The following UGT1A6 variants were observed in gnomAD, a reference collection of about 807,000 sequenced individuals.
UGT1A6 encodes the protein UDP-glucuronosyltransferase 1A6.
A neutral mutation model predicts 44.4 loss-of-function variants in UGT1A6; 32 were observed. The ratio of observed to expected loss-of-function variants is 0.72; its 90% CI spans 0.54 to 0.97. UGT1A6 has a LOEUF of 0.97. UGT1A6 is among the 50% of genes least tolerant of loss of function. UGT1A6 has a pLI of 0.00. For missense variants in UGT1A6, 685 were observed against 661.9 expected (o/e 1.03, Z -0.38); for synonymous variants, 238 against 248.5 (o/e 0.96, Z 0.40).
At chr2:233,724,286 G>C (rs1416950047) in intron 1 of UGT1A6, among the ~76,000 whole-genome samples, 3 of 143,448 alleles carry the variant, frequency 2.1e-5, no homozygotes, top group African/African-American at 2.6e-5. Flanking sequence ...CCGGGCGGGG[G>C]GCTGACCCCC....
rs565737138 is a variant in UGT1A6 at position 233,740,144 on chromosome 2, C to T, written c.862-26890C>T. 2.0e-5 allele frequency among the ~76,000 whole-genome samples: 3 copies of T among 151,952 alleles called. No individual in the cohort carries two copies. The South Asian group carries it at 6.2e-4, about 31-fold the overall frequency. On this transcript the variant is annotated intron_variant, in intron 1 of 4. Coordinates refer to ENST00000305139, the MANE Select transcript of UGT1A6 (RefSeq NM_001072.4). Reference sequence around the variant, plus strand: ...ACCTTCTGTCATGATTGTAAGTTTCCTGAGGCCTCCCCAGTCATGTGGAAC... The same window carrying T: ...ACCTTCTGTCATGATTGTAAGTTTCTTGAGGCCTCCCCAGTCATGTGGAAC...
chr2:233,768,192 CT>C, intron 3 of UGT1A6, 27 bp from the exon 4 acceptor site: 1 of 1,614,080 alleles, frequency 6.2e-7, no homozygotes, highest in Non-Finnish European at 8.5e-7. Context: ...GATGTAACTG[CT>C]GACATCCTCC....
At chr2:233,705,847 G>A (rs1288206523) in intron 1 of UGT1A6, among the ~76,000 whole-genome samples, 1 of 152,146 alleles carries the variant, frequency 6.6e-6, no homozygotes, top group African/African-American at 2.4e-5. Flanking sequence ...AGCTGAAGTG[G>A]GAAGCTGAGG....
intron 1 of UGT1A6, among the ~76,000 whole-genome samples, chr2:233,696,905 T>C (rs2075364659): frequency 6.6e-6 from 1 of 152,208 alleles, no homozygotes; most frequent in Non-Finnish European, 1.5e-5. Context: ...ATTCTGTCAA[T>C]GTATTCATAT....
intron 1 of UGT1A6, among the ~76,000 whole-genome samples, chr2:233,720,633 T>C (rs2076877142): frequency 6.6e-6 from 1 of 152,112 alleles, no homozygotes; most frequent in South Asian, 2.1e-4. Context: ...ATTGAAATAG[T>C]ACTCTGGGAT....
chr2:233,727,581 A>G (rs748727287), intron 1 of UGT1A6, among the ~76,000 whole-genome samples: 1 of 152,154 alleles, frequency 6.6e-6, no homozygotes, highest in African/African-American at 2.4e-5. Context: ...TAGGAAGCAT[A>G]TAGTTTTAAG....
chr2:233,764,139 C>T (rs911077141), intron 1 of UGT1A6, among the ~76,000 whole-genome samples: 4 of 152,156 alleles, frequency 2.6e-5, no homozygotes, highest in Admixed American at 1.3e-4. Context: ...TGTTAAATGT[C>T]TCATTTTGGC....
intron 1 of UGT1A6, chr2:233,713,716 A>T (rs771701943): frequency 1.9e-6 from 3 of 1,613,702 alleles, no homozygotes; most frequent in Non-Finnish European, 2.5e-6. Flanking sequence ...TTTCAGAGAG[A>T]GGTGTCAGTG....
chr2:233,730,859 C>T (rs532557812), intron 1 of UGT1A6, among the ~76,000 whole-genome samples: 75 of 152,214 alleles, frequency 4.9e-4, no homozygotes, highest in African/African-American at 1.5e-3. Context: ...CCAAACCCAC[C>T]CTACTGCACT....
intron 1 of UGT1A6, among the ~76,000 whole-genome samples, chr2:233,705,423 T>G (rs935031731): frequency 2.0e-5 from 3 of 152,256 alleles, no homozygotes; most frequent in Non-Finnish European, 4.4e-5. Context: ...CAGAGGTGGC[T>G]CATAACTTAT....
At position 233,693,582 on chromosome 2, in the gene UGT1A6, C is replaced by G. The variant is rs755382467; in HGVS notation, c.578C>G (p.Pro193Arg). Residue 193 changes from proline to arginine, a missense_variant, in exon 1 of 5, where the codon CCC (proline) becomes CGC (arginine). Transcript: ENST00000305139. ...SRSPDPVSYI[P>R]RCYTKFSDHM... ...AGCCCAGACCCTGTGTCCTACATTC[C>G]CAGGTGCTACACAAAGTTTTCAGAC... is the stretch of plus-strand genomic sequence containing the variant. 6.2e-7 allele frequency: 1 copy of G among 1,614,188 alleles called. No individual in the cohort carries two copies. Among genetic ancestry groups the G allele is most frequent in the Non-Finnish European group, 8.5e-7 (1 of 1,180,032 alleles).
At chr2:233,763,919 C>T (rs748972276) in intron 1 of UGT1A6, among the ~76,000 whole-genome samples, 11 of 152,168 alleles carry the variant, frequency 7.2e-5, no homozygotes, top group African/African-American at 2.4e-4. Context: ...ACCAAGGCTT[C>T]GAGATGGCCA....
At chr2:233,746,083 T>C (rs1367851746) in intron 1 of UGT1A6, among the ~76,000 whole-genome samples, 2 of 151,832 alleles carry the variant, frequency 1.3e-5, no homozygotes, top group Admixed American at 1.3e-4. Flanking sequence ...GAGTCACTTC[T>C]ATACAGAAAC....
chr2:233,747,592 C>G (rs1434418426), intron 1 of UGT1A6: 13 of 1,575,650 alleles, frequency 8.3e-6, no homozygotes, highest in Admixed American at 6.7e-5. Flanking sequence ...TTTCATAGGT[C>G]TTGTGTGGAG....
At chr2:233,761,193 A>C (rs764178788) in intron 1 of UGT1A6, 1 of 1,614,148 alleles carries the variant, frequency 6.2e-7, no homozygotes, top group Non-Finnish European at 8.5e-7. Flanking sequence ...ATATTCTTTC[A>C]GATGTATTAC....
chr2:233,772,918 G>T lies in UGT1A6; in HGVS notation c.*359G>T. The stretch of plus-strand genomic sequence containing the variant: ...CCCACGGCTGCCCCTACTGCAAATG[G>T]CAGTTTTAATCTTATCTTTTGGCTT... On this transcript the variant is annotated 3_prime_UTR_variant, in exon 5 of 5. Coordinates refer to ENST00000305139, the MANE Select transcript of UGT1A6 (RefSeq NM_001072.4). 5.3e-6 allele frequency: 2 copies of T among 377,338 alleles called. No homozygotes were observed. The highest frequency in any genetic ancestry group is 2.9e-5 in the South Asian group (1 of 34,748). The allele number at this position is 377,338 out of a possible 1,614,324, so 23.4% of individuals were successfully genotyped here.
chr2:233,768,426 A>G lies in UGT1A6; in HGVS notation c.1288A>G (p.Ile430Val), dbSNP rs1699609546. 6.2e-7 allele frequency: 1 copy of G among 1,614,122 alleles called. No homozygotes were observed. Among genetic ancestry groups the G allele is most frequent in the African/African-American group, 1.3e-5 (1 of 75,056 alleles). The change falls in exon 4 of 5, where the codon ATC (isoleucine) becomes GTC (valine). Residue 430 changes from isoleucine (I) to valine (V), a missense_variant. By Grantham distance (29) the Ile-to-Val change is conservative. Transcript: ENST00000305139. ...EDLENALKAVINDKSYKENIM... is the reference protein window; with the variant it reads ...EDLENALKAVVNDKSYKENIM... ...TTTAGAAAATGCTCTAAAAGCAGTC[A>G]TCAATGACAAAAGGTAAGAAAGAAG...
intron 1 of UGT1A6, among the ~76,000 whole-genome samples, chr2:233,745,929 G>A (rs954070768): frequency 4.0e-5 from 6 of 151,604 alleles, no homozygotes; most frequent in African/African-American, 1.2e-4. Context: ...GATTCAGAAG[G>A]GACAGCTGGG....
intron 1 of UGT1A6, among the ~76,000 whole-genome samples, chr2:233,695,902 GT>G (rs144527865): frequency 5.9e-5 from 9 of 151,998 alleles, no homozygotes; most frequent in African/African-American, 1.2e-4. Flanking sequence ...AATGTGTGGG[GT>G]TTTTTTTCTC....
Sources: gnomAD v4.1 joint callset for allele counts (sites outside exome capture counted in the v4.1 genomes callset) on GRCh38, gnomAD v4.1.1 for gene constraint, MANE v1.5 for transcripts, NCBI Gene and HGNC (gene_info 2026-07-23, HGNC 2026-07-21) for gene names.